Variants in TRIM27 observed in about 807,000 individuals in gnomAD.
TRIM27 encodes tripartite motif containing 27, also known as zinc finger protein RFP.
Under a neutral mutation model 57.6 loss-of-function variants are expected in TRIM27, and 12 were observed. The observed-to-expected ratio is 0.21, with a 90% CI of 0.13 to 0.34. The LOEUF is 0.34. Ranked by LOEUF, TRIM27 falls within the 10% of genes least tolerant of loss-of-function variation. TRIM27 has a pLI of 1.00. For synonymous variants in TRIM27, 266 were observed against 259.0 expected (o/e 1.03, Z -0.26); for missense variants, 403 against 656.8 (o/e 0.61, Z 4.22).
rs1772535398 is a variant in TRIM27 at position 28,903,476 on chromosome 6, G to A, written c.*594C>T. The stretch of plus-strand genomic sequence containing the variant: ...TAGAACATTATCTCATAACAGAGGT[G>A]GGGCCATTACCCACCATTATTGTAA... On this transcript the variant is annotated 3_prime_UTR_variant, in exon 8 of 8. Coordinates refer to ENST00000377199, the MANE Select transcript of TRIM27 (RefSeq NM_006510.5). 4.3e-6 allele frequency: 1 copy of A among 233,558 alleles called. No individual in the cohort carries two copies. The highest frequency in any genetic ancestry group is 2.2e-5 in the African/African-American group (1 of 45,338). 14.5% of individuals were successfully genotyped at this position (233,558 alleles called of 1,614,324 possible). A position where few individuals can be genotyped will look rare whatever the true frequency, so the allele number is the denominator to read the frequency against.
intron 6 of TRIM27, chr6:28,907,503 A>G: frequency 1.4e-6 from 1 of 695,182 alleles, no homozygotes; most frequent in Non-Finnish European, 2.7e-6. Flanking sequence ...TGAGACTGGT[A>G]GAATATGGGA....
intron 4 of TRIM27, among the ~76,000 whole-genome samples, chr6:28,909,831 A>C (rs1183330857): frequency 1.3e-5 from 2 of 152,328 alleles, no homozygotes; most frequent in East Asian, 3.9e-4. Flanking sequence ...AAAGACTGCC[A>C]GTTGCCTATC....
intron 4 of TRIM27, among the ~76,000 whole-genome samples, chr6:28,909,941 T>C (rs567195441): frequency 2.0e-5 from 3 of 152,168 alleles, no homozygotes. Flanking sequence ...CTATGAGAAG[T>C]AAGACGTATC....
intron 3 of TRIM27, among the ~76,000 whole-genome samples, chr6:28,914,214 C>T (rs924387032): frequency 6.7e-6 from 1 of 150,224 alleles, no homozygotes; most frequent in East Asian, 2.0e-4. Flanking sequence ...CAGCTCACTG[C>T]AACTTCCACC....
chr6:28,912,848 A>G (rs921706665), intron 3 of TRIM27, among the ~76,000 whole-genome samples: 2 of 152,170 alleles, frequency 1.3e-5, no homozygotes, highest in Admixed American at 6.6e-5. Context: ...GCGATAATTT[A>G]ACATGTTCAT....
intron 2 of TRIM27, among the ~76,000 whole-genome samples, chr6:28,921,058 A>G (rs1264323287): frequency 6.6e-6 from 1 of 152,046 alleles, no homozygotes; most frequent in Non-Finnish European, 1.5e-5. Context: ...CCCACCACCA[A>G]CAGGACTCTA....
rs150425066 is a variant in TRIM27 at position 28,919,828 on chromosome 6, T to C, written c.747+184A>G. Among the ~76,000 whole-genome samples, 858 of 152,366 alleles carry C rather than the reference T, an allele frequency of 5.6e-3. 6 individuals carry two copies. The highest frequency in any genetic ancestry group is 0.019 in the African/African-American group (779 of 41,586). ...AGACAACGCAATTGACTAATTCAAG[T>C]TGTGTGAACCAGAACTTCTAGTTTA... On this transcript the variant is annotated intron_variant, in intron 3 of 7. Transcript: ENST00000377199.
chr6:28,910,251 G>A (rs1035069579), intron 4 of TRIM27, among the ~76,000 whole-genome samples: 3 of 151,942 alleles, frequency 2.0e-5, no homozygotes, highest in African/African-American at 7.3e-5. Context: ...TGGTAGAACA[G>A]TGAATGGGAA....
At position 28,904,901 on chromosome 6, in the gene TRIM27, G is replaced by T. The variant is rs1772649668; in HGVS notation, c.947-236C>A. 1 of 552,344 alleles carries T rather than the reference G, an allele frequency of 1.8e-6. No individual in the cohort carries two copies. The highest frequency in any genetic ancestry group is 3.1e-5 in the Admixed American group (1 of 31,962). 34.2% of individuals were successfully genotyped at this position (552,344 alleles called of 1,614,324 possible). A position where few individuals can be genotyped will look rare whatever the true frequency, so the allele number is the denominator to read the frequency against. ...CCGTATCTTTTCTTTCACATCTGAA[G>T]CCACAATATCCATCATGAACTGATT... On this transcript the variant is annotated intron_variant, in intron 7 of 7. Coordinates refer to ENST00000377199, the MANE Select transcript of TRIM27 (RefSeq NM_006510.5). The surrounding 1 kb of genome is among the most constrained non-coding windows in gnomAD (Gnocchi z 6.1).
At chr6:28,907,672 G>T in intron 6 of TRIM27, 1 of 484,780 alleles carries the variant, frequency 2.1e-6, no homozygotes, top group Admixed American at 2.6e-5. Flanking sequence ...CTGACACTCT[G>T]GGGTAAACAT....
At chr6:28,909,160 T>G (rs1405086088) in intron 4 of TRIM27, 72 bp from the exon 5 acceptor site, 2 of 1,096,084 alleles carry the variant, frequency 1.8e-6, no homozygotes, top group African/African-American at 1.6e-5. Flanking sequence ...CAGGCTGGAG[T>G]GCAATGGCGC....
At chr6:28,913,538 G>C (rs1234707631) in intron 3 of TRIM27, among the ~76,000 whole-genome samples, 2 of 151,908 alleles carry the variant, frequency 1.3e-5, no homozygotes, top group Non-Finnish European at 2.9e-5. Context: ...TCCTCCAAAA[G>C]GGTCATGATT....
At position 28,903,931 on chromosome 6, in the gene TRIM27, T is replaced by C. The variant is rs1772575989; in HGVS notation, c.*139A>G. 1.5e-6 allele frequency: 1 copy of C among 669,856 alleles called. No individual in the cohort carries two copies. The highest frequency in any genetic ancestry group is 1.8e-5 in the South Asian group (1 of 54,338). 41.5% of individuals were successfully genotyped at this position (669,856 alleles called of 1,614,324 possible). On this transcript the variant is annotated 3_prime_UTR_variant, in exon 8 of 8. Transcript: ENST00000377199. Reference sequence around the variant, plus strand: ...GGAAGGAAAAGGATGGTAGAGAACATGGACATCCTGTCTCCCACTGCAAGG... The same window carrying C: ...GGAAGGAAAAGGATGGTAGAGAACACGGACATCCTGTCTCCCACTGCAAGG...
chr6:28,909,195 C>T, intron 4 of TRIM27, 107 bp from the exon 5 acceptor site: 1 of 742,158 alleles, frequency 1.3e-6, no homozygotes, highest in Non-Finnish European at 2.2e-6. Context: ...GCAACCTCTG[C>T]CTCCCAGGTT....
intron 4 of TRIM27, among the ~76,000 whole-genome samples, chr6:28,910,119 A>G (rs374621234): frequency 0.023 from 2,662 of 115,196 alleles, 34 homozygotes; most frequent in Middle Eastern, 0.037. Flanking sequence ...CAAAAAAGAA[A>G]AATGAAAAAA....
At chr6:28,909,964 G>C (rs1010625468) in intron 4 of TRIM27, among the ~76,000 whole-genome samples, 20 of 151,934 alleles carry the variant, frequency 1.3e-4, no homozygotes, top group South Asian at 2.1e-4. Context: ...ATGGTGTTTT[G>C]AGAAATCTAC....
chr6:28,917,313 C>T (rs1294905213), intron 3 of TRIM27, among the ~76,000 whole-genome samples: 1 of 152,078 alleles, frequency 6.6e-6, no homozygotes, highest in African/African-American at 2.4e-5. Context: ...CACGGTGGCT[C>T]GCACCTGTAA....
chr6:28,919,454 G>A (rs1024449260), intron 3 of TRIM27, among the ~76,000 whole-genome samples: 1 of 152,100 alleles, frequency 6.6e-6, no homozygotes, highest in Non-Finnish European at 1.5e-5. Context: ...TAATTAATAC[G>A]CACTGAATGA....
chr6:28,917,467 A>G (rs952617277), intron 3 of TRIM27, among the ~76,000 whole-genome samples: 2 of 151,964 alleles, frequency 1.3e-5, no homozygotes, highest in Admixed American at 6.6e-5. Context: ...AATCCCAGCT[A>G]CTTGGGAGGC....
Sources: gnomAD v4.1 joint callset for allele counts (sites outside exome capture counted in the v4.1 genomes callset) on GRCh38, gnomAD v4.1.1 for gene constraint, Gnocchi (gnomAD v3.1) non-coding constraint, MANE v1.5 for transcripts, NCBI Gene and HGNC (gene_info 2026-07-23, HGNC 2026-07-21) for gene names.